The following CNNM2 variants were observed in gnomAD, a reference collection of about 807,000 sequenced individuals.
CNNM2 encodes the protein metal transporter CNNM2.
In CNNM2, 12 loss-of-function variants were observed where a neutral mutation model predicts 66.9. That is an observed-to-expected ratio of 0.18 (90% CI 0.11 to 0.29). The LOEUF is 0.29. Ranked by LOEUF, CNNM2 falls within the 10% of genes least tolerant of loss-of-function variation. CNNM2 has a pLI of 1.00. For missense variants in CNNM2, 705 were observed against 1,167.7 expected (o/e 0.60, Z 5.77); for synonymous variants, 557 against 501.8 (o/e 1.11, Z -1.47).
At chr10:102,931,153 G>C (rs563414894) in intron 1 of CNNM2, among the ~76,000 whole-genome samples, 1 of 152,140 alleles carries the variant, frequency 6.6e-6, no homozygotes, top group African/African-American at 2.4e-5. Context: ...TCCTTCCATT[G>C]GTCTGTACTG....
chr10:102,954,793 G>A (rs565705220), intron 1 of CNNM2, among the ~76,000 whole-genome samples: 2 of 152,206 alleles, frequency 1.3e-5, no homozygotes, highest in East Asian at 3.9e-4. Context: ...ACTTCAAGGG[G>A]ACTTCATTTT....
chr10:102,997,502 G>A (rs977712529), intron 1 of CNNM2, among the ~76,000 whole-genome samples: 1 of 152,082 alleles, frequency 6.6e-6, no homozygotes, highest in Non-Finnish European at 1.5e-5. Flanking sequence ...GAATTCTGAA[G>A]AATAAATATA....
At chr10:102,960,161 ACAG>A (rs2063357909) in intron 1 of CNNM2, among the ~76,000 whole-genome samples, 17 of 152,340 alleles carry the variant, frequency 1.1e-4, no homozygotes, top group Admixed American at 1.0e-3. Context: ...AGAGCTCAGC[ACAG>A]TGCCTGACGC....
In CNNM2 at chr10:102,918,958, T is replaced by C. The variant is rs368608994; in HGVS notation, c.478T>C (p.Leu160=). ...CGIRTSDIII[L]PHIILNRRTS... ...CATCCGCACCTCAGACATCATCATC[T>C]TGCCCCACATCATTCTCAACCGCCG... Residue 160 remains leucine (L), a synonymous_variant, in exon 1 of 8, where the codon TTG becomes CTG. Coordinates refer to ENST00000369878, the MANE Select transcript of CNNM2 (RefSeq NM_017649.5). This position sits in a 1 kb window ranked among gnomAD's most constrained non-coding sequence, Gnocchi z 4.1. 6.2e-7 allele frequency: 1 copy of C among 1,612,426 alleles called. No homozygotes were observed. The highest frequency in any genetic ancestry group is 1.7e-5 in the Admixed American group (1 of 59,994).
At chr10:103,041,133 C>G (rs565091923) in intron 1 of CNNM2, among the ~76,000 whole-genome samples, 11 of 152,202 alleles carry the variant, frequency 7.2e-5, no homozygotes, top group Admixed American at 2.0e-4. Flanking sequence ...CCTACTTAGC[C>G]CCTCCTCTTA....
intron 1 of CNNM2, among the ~76,000 whole-genome samples, chr10:103,015,776 C>T (rs1243127192): frequency 1.3e-5 from 2 of 152,080 alleles, no homozygotes; most frequent in Non-Finnish European, 2.9e-5. Flanking sequence ...TCGCTTGAAC[C>T]CGGGAGGTAG....
chr10:103,058,548 T>C (rs779328370), intron 4 of CNNM2, among the ~76,000 whole-genome samples: 5 of 152,248 alleles, frequency 3.3e-5, no homozygotes, highest in African/African-American at 9.6e-5. Flanking sequence ...AAAAATCTTA[T>C]GGAAAAGGGA....
intron 1 of CNNM2, among the ~76,000 whole-genome samples, chr10:102,992,506 C>T (rs1384261975): frequency 1.3e-5 from 2 of 151,900 alleles, no homozygotes; most frequent in Admixed American, 6.6e-5. Context: ...CTCCTGATCT[C>T]GAAGTGATCC....
intron 1 of CNNM2, among the ~76,000 whole-genome samples, chr10:102,988,837 C>G (rs1049617831): frequency 6.6e-6 from 1 of 152,180 alleles, no homozygotes; most frequent in Non-Finnish European, 1.5e-5. Flanking sequence ...TTGTTCTCCA[C>G]GGAAGTGAGG....
In CNNM2 at chr10:103,057,097, A is replaced by G. The variant is rs538835940; in HGVS notation, c.2073+133A>G. 301 of 804,844 alleles carry G rather than the reference A, an allele frequency of 3.7e-4. No individual in the cohort carries two copies. In the African/African-American group the frequency reaches 4.9e-3, roughly 13 times the overall value. 49.9% of individuals were successfully genotyped at this position (804,844 alleles called of 1,614,324 possible). A position where few individuals can be genotyped will look rare whatever the true frequency, so the allele number is the denominator to read the frequency against. ...GTAGCCTTAGACATGGGAGAATTTT[A>G]TCTTCCTGTTTTCATATCTGTAAAG... is the stretch of plus-strand genomic sequence containing the variant. On this transcript the variant is annotated intron_variant, in intron 4 of 7. Transcript: ENST00000369878.
chr10:103,053,704 C>CG (rs2065252634), intron 2 of CNNM2, among the ~76,000 whole-genome samples: 1 of 152,152 alleles, frequency 6.6e-6, no homozygotes, highest in African/African-American at 2.4e-5. Flanking sequence ...TGGCCCTTTT[C>CG]GGAGGAAGTT....
intron 1 of CNNM2, among the ~76,000 whole-genome samples, chr10:102,944,315 G>A (rs898758875): frequency 6.6e-6 from 1 of 151,992 alleles, no homozygotes; most frequent in African/African-American, 2.4e-5. Context: ...CTGAATTCAG[G>A]TGATCGCCTG....
At chr10:102,973,298 C>T (rs2063573859) in intron 1 of CNNM2, among the ~76,000 whole-genome samples, 1 of 151,026 alleles carries the variant, frequency 6.6e-6, no homozygotes, top group Non-Finnish European at 1.5e-5. Context: ...TTTTTTTGAG[C>T]TAGGGTCTCG....
At chr10:102,968,764 T>G (rs1443454400) in intron 1 of CNNM2, among the ~76,000 whole-genome samples, 1 of 151,994 alleles carries the variant, frequency 6.6e-6, no homozygotes, top group Non-Finnish European at 1.5e-5. Flanking sequence ...CACGCCACCA[T>G]GCCAGGCTAA....
At chr10:103,038,255 A>G (rs2064978049) in intron 1 of CNNM2, among the ~76,000 whole-genome samples, 1 of 152,162 alleles carries the variant, frequency 6.6e-6, no homozygotes, top group Admixed American at 6.5e-5. Context: ...AGAACCACCT[A>G]GATTAGTTTT....
intron 1 of CNNM2, among the ~76,000 whole-genome samples, chr10:103,018,125 A>G (rs1242664826): frequency 6.6e-6 from 1 of 152,120 alleles, no homozygotes. Context: ...CTTTTCTGCA[A>G]AGGACTTACT....
chr10:103,067,999 T>A (rs954066638), intron 4 of CNNM2, among the ~76,000 whole-genome samples: 1 of 152,172 alleles, frequency 6.6e-6, no homozygotes, highest in Non-Finnish European at 1.5e-5. Context: ...AGGTTATTCC[T>A]CTCTGTTCCA....
chr10:102,965,915 C>T (rs1049454853), intron 1 of CNNM2, among the ~76,000 whole-genome samples: 6 of 152,010 alleles, frequency 3.9e-5, no homozygotes, highest in Non-Finnish European at 1.5e-5. Context: ...CAGGACTAAA[C>T]AGTTCTTCAG....
chr10:103,055,116 G>C (rs2065275317), intron 3 of CNNM2, among the ~76,000 whole-genome samples: 1 of 152,190 alleles, frequency 6.6e-6, no homozygotes. Flanking sequence ...GGCACTGACT[G>C]CTCCAGAGAG....
Sources: allele counts gnomAD v4.1 joint callset (sites outside exome capture counted in the v4.1 genomes callset), GRCh38; gene constraint gnomAD v4.1.1; non-coding constraint Gnocchi (gnomAD v3.1); transcripts MANE v1.5; gene names NCBI Gene and HGNC (gene_info 2026-07-23, HGNC 2026-07-21).